The following ACBD3 variants were observed in gnomAD, a reference collection of about 807,000 sequenced individuals.
ACBD3 encodes Golgi resident protein GCP60.
Under a neutral mutation model 66.9 loss-of-function variants are expected in ACBD3, and 30 were observed. The ratio of observed to expected loss-of-function variants is 0.45; its 90% CI spans 0.34 to 0.61. The LOEUF is 0.61. Among genes scored for constraint, ACBD3 ranks in the 20% least tolerant of loss-of-function variants. ACBD3 has a pLI of 0.02. For synonymous variants in ACBD3, 278 were observed against 259.8 expected (o/e 1.07, Z -0.68); for missense variants, 544 against 664.5 (o/e 0.82, Z 1.99).
chr1:226,148,459 CACA>C (rs1659499203), intron 7 of ACBD3, among the ~76,000 whole-genome samples: 2 of 152,336 alleles, frequency 1.3e-5, no homozygotes, highest in South Asian at 4.1e-4. Flanking sequence ...AAGCATGTTT[CACA>C]TGCAAATGAG....
intron 5 of ACBD3, among the ~76,000 whole-genome samples, chr1:226,156,748 T>A (rs1227398156): frequency 6.6e-6 from 1 of 152,188 alleles, no homozygotes; most frequent in Middle Eastern, 3.2e-3. Context: ...ACATCAATTT[T>A]CTAGAAGGGA....
At chr1:226,146,949 C>T (rs1254630485) in intron 7 of ACBD3, 128 bp from the exon 8 acceptor site, 24 of 871,220 alleles carry the variant, frequency 2.8e-5, no homozygotes, top group Middle Eastern at 2.8e-4. Context: ...TGGAGTGCAG[C>T]GGCGTGATCT....
chr1:226,153,998 G>A (rs530528117), intron 6 of ACBD3, among the ~76,000 whole-genome samples: 50 of 152,294 alleles, frequency 3.3e-4, no homozygotes, highest in African/African-American at 1.1e-3. Context: ...CATGGGGCCA[G>A]GAATTGAGCT....
intron 7 of ACBD3, among the ~76,000 whole-genome samples, chr1:226,150,181 C>A (rs751892599): frequency 1.2e-4 from 18 of 151,424 alleles, no homozygotes; most frequent in Non-Finnish European, 2.4e-4. Context: ...GCCTCAGCCT[C>A]CCATGTACCT....
intron 1 of ACBD3, among the ~76,000 whole-genome samples, chr1:226,184,303 A>G (rs1411241494): frequency 6.6e-6 from 1 of 152,220 alleles, no homozygotes; most frequent in African/African-American, 2.4e-5. Flanking sequence ...TCATATACTA[A>G]CAGTCTCCAA....
chr1:226,155,489 A>G lies in ACBD3; in HGVS notation c.904-656T>C, dbSNP rs562807166. Among the ~76,000 whole-genome samples, 8 of 152,248 alleles carry G rather than the reference A, an allele frequency of 5.3e-5. No individual in the cohort carries two copies. The South Asian group carries it at 1.4e-3, about 28-fold the overall frequency. ...TTAAAGGCAAAAATTGAACACAGTA[A>G]TGTGCTCTTGAAATTGATGGAAGAA... On this transcript the variant is annotated intron_variant, in intron 5 of 7. Coordinates refer to ENST00000366812, the MANE Select transcript of ACBD3 (RefSeq NM_022735.4).
intron 4 of ACBD3, 71 bp downstream of exon 4, chr1:226,161,460 C>A (rs940306672): frequency 9.4e-6 from 15 of 1,597,636 alleles, no homozygotes; most frequent in Non-Finnish European, 1.3e-5. Context: ...ACCTGGCCCG[C>A]TCATTTCTTA....
intron 1 of ACBD3, among the ~76,000 whole-genome samples, chr1:226,183,161 G>A (rs1364995115): frequency 6.6e-6 from 1 of 151,988 alleles, no homozygotes; most frequent in East Asian, 1.9e-4. Context: ...AAGAGAAAAT[G>A]TAATGTTCTT....
chr1:226,164,746 T>C (rs894285210), intron 3 of ACBD3, 43 bp downstream of exon 3: 2 of 1,579,702 alleles, frequency 1.3e-6, no homozygotes, highest in African/African-American at 1.4e-5. Flanking sequence ...ATCAGTACAC[T>C]GGGCTGCGCA....
At chr1:226,157,880 G>A (rs760397162) in intron 5 of ACBD3, among the ~76,000 whole-genome samples, 5 of 152,232 alleles carry the variant, frequency 3.3e-5, no homozygotes, top group East Asian at 1.9e-4. Flanking sequence ...AAAGATTTGC[G>A]GTTTTGTCCT....
intron 1 of ACBD3, among the ~76,000 whole-genome samples, chr1:226,171,710 G>T (rs997102604): frequency 6.8e-6 from 1 of 147,896 alleles, no homozygotes; most frequent in East Asian, 2.2e-4. Flanking sequence ...GCTAATTTTT[G>T]TATTTTTCAC....
intron 1 of ACBD3, among the ~76,000 whole-genome samples, chr1:226,169,471 G>A (rs895156092): frequency 6.6e-6 from 1 of 150,952 alleles, no homozygotes; most frequent in African/African-American, 2.4e-5. Context: ...GGATGGTCTC[G>A]ATCTCCTGAC....
intron 1 of ACBD3, among the ~76,000 whole-genome samples, chr1:226,171,598 C>T (rs1006205276): frequency 1.3e-5 from 2 of 151,982 alleles, no homozygotes; most frequent in African/African-American, 4.8e-5. Context: ...AGCACAGTGG[C>T]GTGATCTCGG....
intron 7 of ACBD3, among the ~76,000 whole-genome samples, chr1:226,150,540 G>A (rs962632877): frequency 2.6e-5 from 4 of 151,998 alleles, no homozygotes; most frequent in Non-Finnish European, 4.4e-5. Flanking sequence ...CACCACGCTC[G>A]GCTAATTTTT....
intron 1 of ACBD3, among the ~76,000 whole-genome samples, chr1:226,177,214 C>T (rs948517600): frequency 2.0e-5 from 3 of 148,604 alleles, no homozygotes; most frequent in Non-Finnish European, 3.0e-5. Context: ...TCGCTTGAAC[C>T]GGGACGGGTT....
rs945239456 is a variant in ACBD3 at position 226,145,065 on chromosome 1, G to A, written c.*1545C>T. On this transcript the variant is annotated 3_prime_UTR_variant, in exon 8 of 8. Coordinates refer to ENST00000366812, the MANE Select transcript of ACBD3 (RefSeq NM_022735.4). ...GTACATGAAAGCTGACAGAGAGCCT[G>A]ACAAATGTTCTGGATGTAACAGTAT... 6.6e-5 allele frequency: 10 copies of A among 152,546 alleles called. No individual in the cohort carries two copies. The highest frequency in any genetic ancestry group is 2.6e-4 in the Admixed American group (4 of 15,282). The allele number at this position is 152,546 out of a possible 1,614,324, so 9.4% of individuals were successfully genotyped here.
At chr1:226,148,650 T>C (rs2102772588) in intron 7 of ACBD3, among the ~76,000 whole-genome samples, 1 of 152,228 alleles carries the variant, frequency 6.6e-6, no homozygotes, top group African/African-American at 2.4e-5. Context: ...ATGAAGAAAA[T>C]GGAGAATTAA....
In ACBD3 at chr1:226,185,813, A is replaced by C. The variant is rs969445857; in HGVS notation, c.286+577T>G. On this transcript the variant is annotated intron_variant, in intron 1 of 7. Transcript: ENST00000366812. Reference sequence around the variant, plus strand: ...GTGGACATCTCTCCTCAAGAGTTTGACAAGCCGGAGAGGATGATGAGCTTA... The same window carrying C: ...GTGGACATCTCTCCTCAAGAGTTTGCCAAGCCGGAGAGGATGATGAGCTTA... Among the ~76,000 whole-genome samples, 16 of 152,148 alleles carry C rather than the reference A, an allele frequency of 1.1e-4. 1 individual carries two copies. Among genetic ancestry groups the C allele is most frequent in the Admixed American group, 6.5e-5 (1 of 15,268 alleles).
chr1:226,164,929 C>A lies in ACBD3; in HGVS notation c.429G>T (p.Arg143Ser). The A allele has an allele frequency of 6.4e-7, 1 of 1,552,656 alleles. No individual in the cohort carries two copies. The highest frequency in any genetic ancestry group is 8.7e-7 in the Non-Finnish European group (1 of 1,151,486). The change falls in exon 3 of 8, where the codon AGG becomes AGT. Residue 143 changes from arginine to serine, a missense_variant and splice_region_variant. Physicochemically the swap from Arg to Ser is moderately radical, Grantham distance 110 (BLOSUM62 -1). Transcript: ENST00000366812. ...GFFDVLGNDR[R>S]REWAALGNMS... The stretch of plus-strand genomic sequence containing the variant: ...TGTTTCCCAGGGCTGCCCATTCTCT[C>A]CTGTAAGGAATAACAAGAAAAGTTA...
Sources: allele counts gnomAD v4.1 joint callset (sites outside exome capture counted in the v4.1 genomes callset), GRCh38; gene constraint gnomAD v4.1.1; transcripts MANE v1.5; gene names NCBI Gene and HGNC (gene_info 2026-07-23, HGNC 2026-07-21).